Variants in GRM5 observed in about 807,000 individuals in gnomAD.
The protein encoded by GRM5 is metabotropic glutamate receptor 5.
A neutral mutation model predicts 83.1 loss-of-function variants in GRM5; 19 were observed. That is an observed-to-expected ratio of 0.23 (90% CI 0.16 to 0.34). GRM5 has a LOEUF of 0.34. GRM5 is among the 10% of genes least tolerant of loss of function. The probability of loss-of-function intolerance (pLI) is 1.00; values close to 1 mark genes in which losing one functional copy is unlikely to be tolerated. For synonymous variants in GRM5, 675 were observed against 633.6 expected (o/e 1.07, Z -0.98); for missense variants, 1,160 against 1,588.3 (o/e 0.73, Z 4.58).
At chr11:88,540,296 C>T (rs1405748678) in intron 8 of GRM5, among the ~76,000 whole-genome samples, 1 of 152,150 alleles carries the variant, frequency 6.6e-6, no homozygotes, top group Non-Finnish European at 1.5e-5. Context: ...TTTCCTCATT[C>T]CTTTGTCTTT....
chr11:89,053,133 CT>C (rs1035311100), intron 1 of GRM5, among the ~76,000 whole-genome samples: 7 of 152,018 alleles, frequency 4.6e-5, no homozygotes, highest in African/African-American at 1.7e-4. Context: ...CAGGAGTTGC[CT>C]TTCAAACTAT....
At chr11:88,975,191 T>C (rs906439761) in intron 2 of GRM5, among the ~76,000 whole-genome samples, 100 of 152,244 alleles carry the variant, frequency 6.6e-4, no homozygotes, top group African/African-American at 2.2e-3. Context: ...CTCAAATATA[T>C]CATATAAAGT....
intron 2 of GRM5, among the ~76,000 whole-genome samples, chr11:88,998,674 A>G (rs1828699245): frequency 6.6e-6 from 1 of 152,196 alleles, no homozygotes; most frequent in Non-Finnish European, 1.5e-5. Context: ...GGCAGTCTAA[A>G]TAGATAATCC....
chr11:88,853,538 G>A (rs927729557), intron 2 of GRM5, among the ~76,000 whole-genome samples: 2 of 151,812 alleles, frequency 1.3e-5, no homozygotes, highest in African/African-American at 4.8e-5. Context: ...GATGTACAAG[G>A]TAAGAGATAA....
intron 2 of GRM5, among the ~76,000 whole-genome samples, chr11:88,915,992 G>A (rs1194136839): frequency 6.6e-6 from 1 of 152,132 alleles, no homozygotes; most frequent in African/African-American, 2.4e-5. Flanking sequence ...AAAGGCTATG[G>A]TCACAATAAA....
intron 3 of GRM5, among the ~76,000 whole-genome samples, chr11:88,824,517 C>T (rs756678140): frequency 1.4e-4 from 22 of 152,130 alleles, no homozygotes; most frequent in South Asian, 2.1e-4. Flanking sequence ...GACAGTGGGG[C>T]GGGGCAGGGG....
chr11:88,662,756 A>C (rs1384024217), intron 3 of GRM5, among the ~76,000 whole-genome samples: 3 of 152,192 alleles, frequency 2.0e-5, no homozygotes, highest in Admixed American at 6.6e-5. Flanking sequence ...CAGGGAAAGG[A>C]ATGCAGGTGG....
rs374047715 is a variant in GRM5 at position 88,888,768 on chromosome 11, A to C, written c.662-38613T>G. Among the ~76,000 whole-genome samples the C allele has an allele frequency of 2.6e-5, 4 of 152,276 alleles. No homozygotes were observed. The South Asian group carries it at 6.2e-4, about 24-fold the overall frequency. On this transcript the variant is annotated intron_variant, in intron 2 of 9. Coordinates refer to ENST00000305447, the MANE Select transcript of GRM5 (RefSeq NM_001143831.3). Reference sequence around the variant, plus strand: ...TGAGGTTGGCCTTAAGTTGTAGACAATCTGGTGTGCTTTGTGTGTCTTTCT... The same window carrying C: ...TGAGGTTGGCCTTAAGTTGTAGACACTCTGGTGTGCTTTGTGTGTCTTTCT...
chr11:89,026,421 C>A (rs1164787522), intron 2 of GRM5, among the ~76,000 whole-genome samples: 3 of 152,182 alleles, frequency 2.0e-5, no homozygotes, highest in African/African-American at 4.8e-5. Flanking sequence ...TTCATATAGA[C>A]ACTTTATACT....
intron 2 of GRM5, among the ~76,000 whole-genome samples, chr11:88,861,012 A>G (rs1247464576): frequency 2.6e-5 from 4 of 152,202 alleles, no homozygotes; most frequent in African/African-American, 4.8e-5. Flanking sequence ...TGTGGATTAC[A>G]TGTTAAAATG....
intron 2 of GRM5, among the ~76,000 whole-genome samples, chr11:88,985,990 C>G (rs1302676045): frequency 6.6e-6 from 1 of 152,066 alleles, no homozygotes; most frequent in Non-Finnish European, 1.5e-5. Flanking sequence ...AAACATTCCA[C>G]CACTATACAA....
chr11:88,954,096 T>A (rs1286486674), intron 2 of GRM5, among the ~76,000 whole-genome samples: 3 of 152,238 alleles, frequency 2.0e-5, no homozygotes, highest in African/African-American at 4.8e-5. Flanking sequence ...TAGGTTCATA[T>A]TCTGGTCATT....
chr11:88,675,388 A>G (rs1441025503), intron 3 of GRM5, among the ~76,000 whole-genome samples: 1 of 151,996 alleles, frequency 6.6e-6, no homozygotes. Flanking sequence ...TATTATAAGA[A>G]GAAAGAGAAA....
chr11:88,649,049 AATATATAAT>A (rs1436950847), intron 4 of GRM5, among the ~76,000 whole-genome samples: 10 of 145,722 alleles, frequency 6.9e-5, no homozygotes, highest in Admixed American at 5.6e-4. Context: ...TAATATACAT[AATATATAAT>A]ATATATATTA....
intron 5 of GRM5, 67 bp downstream of exon 5, chr11:88,604,651 C>T: frequency 7.7e-7 from 1 of 1,297,412 alleles, no homozygotes; most frequent in Non-Finnish European, 1.1e-6. Context: ...GAGAAAGAGA[C>T]ATTTCAGGAT....
intron 3 of GRM5, among the ~76,000 whole-genome samples, chr11:88,729,462 T>G (rs1941757089): frequency 1.3e-5 from 2 of 152,142 alleles, no homozygotes; most frequent in South Asian, 4.1e-4. Context: ...CCAAAGTAAT[T>G]TATAGATTTA....
intron 3 of GRM5, among the ~76,000 whole-genome samples, chr11:88,798,233 G>C (rs1017939837): frequency 1.3e-5 from 2 of 152,136 alleles, no homozygotes; most frequent in South Asian, 4.1e-4. Flanking sequence ...CATTGGATAT[G>C]ACAATATCGT....
rs1943121255 is a variant in GRM5, at chr11:88,576,817, GT to G, written c.1691-8826del. Among the ~76,000 whole-genome samples the G allele has an allele frequency of 6.6e-5, 10 of 152,166 alleles. No homozygotes were observed. The South Asian group carries it at 2.1e-3, about 32-fold the overall frequency. On this transcript the variant is annotated intron_variant, in intron 7 of 9. Transcript: ENST00000305447. ...AACTCATCATTTTAAAACCGATAGGGTATCAGTGGAATTTTGCACACATAAT... is the reference window on the plus strand; with the variant it reads ...AACTCATCATTTTAAAACCGATAGGGATCAGTGGAATTTTGCACACATAAT...
At chr11:89,036,397 C>T (rs1171573081) in intron 2 of GRM5, among the ~76,000 whole-genome samples, 1 of 151,996 alleles carries the variant, frequency 6.6e-6, no homozygotes, top group Non-Finnish European at 1.5e-5. Flanking sequence ...ATTATGTTGT[C>T]AATTATAACT....
Sources: gnomAD v4.1 joint callset for allele counts (sites outside exome capture counted in the v4.1 genomes callset) on GRCh38, gnomAD v4.1.1 for gene constraint, MANE v1.5 for transcripts, NCBI Gene and HGNC (gene_info 2026-07-23, HGNC 2026-07-21) for gene names.